Variants in ZBBX observed in about 807,000 individuals in gnomAD.
ZBBX encodes zinc finger B-box domain-containing protein 1.
A neutral mutation model predicts 108.5 loss-of-function variants in ZBBX; 101 were observed. The observed-to-expected ratio is 0.93, with a 90% confidence interval of 0.79 to 1.10. ZBBX has a LOEUF of 1.10. Ranked by LOEUF, ZBBX falls within the 50% of genes least tolerant of loss-of-function variation. The pLI is 0.00. For missense variants in ZBBX, 1,009 were observed against 941.4 expected (o/e 1.07, Z -0.94); for synonymous variants, 356 against 323.4 (o/e 1.10, Z -1.08).
At chr3:167,244,500 A>C (rs976950396) in intron 20 of ZBBX, among the ~76,000 whole-genome samples, 23 of 152,226 alleles carry the variant, frequency 1.5e-4, no homozygotes, top group Admixed American at 1.4e-3. Flanking sequence ...AAATAGAATG[A>C]GTCTATTTTT....
At chr3:167,391,091 T>G (rs1266072116) in intron 1 of ZBBX, among the ~76,000 whole-genome samples, 2 of 152,190 alleles carry the variant, frequency 1.3e-5, no homozygotes, top group Admixed American at 1.3e-4. Context: ...TTCCAGCTTG[T>G]GCCCATTCAG....
At chr3:167,397,404 C>T (rs756106049) in intron 1 of ZBBX, among the ~76,000 whole-genome samples, 1 of 151,802 alleles carries the variant, frequency 6.6e-6, no homozygotes, top group Non-Finnish European at 1.5e-5. Context: ...CCCATTCCAA[C>T]ATATGCACAT....
At chr3:167,404,453 A>G (rs1244262752) in intron 1 of ZBBX, among the ~76,000 whole-genome samples, 2 of 152,134 alleles carry the variant, frequency 1.3e-5, no homozygotes, top group Non-Finnish European at 2.9e-5. Context: ...TGAGACAATG[A>G]GTATTGTCAG....
intron 10 of ZBBX, chr3:167,331,764 G>C (rs1738674887): frequency 3.8e-6 from 1 of 266,632 alleles, no homozygotes. Flanking sequence ...TGATATCCCT[G>C]TAAGATGATG....
intron 18 of ZBBX, among the ~76,000 whole-genome samples, chr3:167,290,070 CCA>C (rs773812081): frequency 6.6e-6 from 1 of 152,204 alleles, no homozygotes; most frequent in African/African-American, 2.4e-5. Context: ...GAAGCCCCAG[CCA>C]CAGACTTATA....
chr3:167,315,691 T>G lies in ZBBX; in HGVS notation c.1274+59A>C, dbSNP rs1264345573. ...TTCACATTTAAAAAGACAGATGATT[T>G]TGTGTGTGTGTCAGGAGGGGGCTCA... On this transcript the variant is annotated intron_variant, in intron 15 of 21. Coordinates refer to ENST00000675490, the MANE Select transcript of ZBBX (RefSeq NM_001199201.2). 3.4e-6 allele frequency: 4 copies of G among 1,175,164 alleles called. No individual in the cohort carries two copies. The African/African-American group carries it at 4.6e-5, about 13-fold the overall frequency. 72.8% of individuals were successfully genotyped at this position (1,175,164 alleles called of 1,614,324 possible).
the ZBBX span, among the ~76,000 whole-genome samples, chr3:167,231,008 GAA>G: frequency 6.6e-6 from 1 of 151,714 alleles, no homozygotes; most frequent in Non-Finnish European, 1.5e-5. Flanking sequence ...GGCCTGTGAA[GAA>G]AAAGAGGATT....
intron 1 of ZBBX, among the ~76,000 whole-genome samples, chr3:167,394,228 G>A (rs1252539905): frequency 3.3e-5 from 5 of 151,816 alleles, no homozygotes; most frequent in Admixed American, 1.3e-4. Flanking sequence ...ATAACTGAAC[G>A]TTTCAAAGGG....
chr3:167,230,994 T>C, the ZBBX span, among the ~76,000 whole-genome samples: 2 of 151,740 alleles, frequency 1.3e-5, no homozygotes, highest in African/African-American at 4.8e-5. Context: ...GCAAAATGTA[T>C]ATGGGCCTGT....
chr3:167,337,387 T>C (rs907041254), intron 9 of ZBBX, among the ~76,000 whole-genome samples: 2 of 151,992 alleles, frequency 1.3e-5, no homozygotes, highest in Non-Finnish European at 2.9e-5. Flanking sequence ...AACCTGGTGT[T>C]GCATGCCTGT....
chr3:167,313,859 A>C, intron 16 of ZBBX, 115 bp downstream of exon 16: 1 of 906,116 alleles, frequency 1.1e-6, no homozygotes, highest in South Asian at 3.1e-5. Context: ...TTTTCATTTT[A>C]GTACTGAGGT....
At chr3:167,298,532 C>T (rs1732063956) in intron 17 of ZBBX, 74 bp from the exon 18 acceptor site, 1 of 1,167,396 alleles carries the variant, frequency 8.6e-7, no homozygotes, top group Non-Finnish European at 1.1e-6. Context: ...TTATCAGATA[C>T]CTACTTGGTA....
intron 1 of ZBBX, among the ~76,000 whole-genome samples, chr3:167,403,367 G>A (rs1748485038): frequency 6.6e-6 from 1 of 151,970 alleles, no homozygotes; most frequent in Non-Finnish European, 1.5e-5. Context: ...TCAGATAAAT[G>A]AATAAATAAT....
rs945407217 is a variant in ZBBX at position 167,359,987 on chromosome 3, A to G, written c.323-8T>C. ...CTGTTGGTTTCACTGGCTCTGCAAG[A>G]TAAAAAATAATATTACTCCAATCAT... On this transcript the variant is annotated splice_region_variant and splice_polypyrimidine_tract_variant and intron_variant, in intron 7 of 21. Transcript: ENST00000675490. The G allele has an allele frequency of 2.1e-6, 3 of 1,452,518 alleles. No homozygotes were observed. In the African/African-American group the frequency reaches 4.3e-5, roughly 21 times the overall value. The allele number at this position is 1,452,518 out of a possible 1,614,324, so 90.0% of individuals were successfully genotyped here.
At chr3:167,385,147 T>C (rs1006419998), upstream of ZBBX, among the ~76,000 whole-genome samples, 1 of 152,076 alleles carries the variant, frequency 6.6e-6, no homozygotes, top group Admixed American at 6.6e-5. Flanking sequence ...TATTTTGTCA[T>C]TGTACAAACA....
chr3:167,327,913 C>T, intron 11 of ZBBX, 29 bp downstream of exon 11: 1 of 1,155,944 alleles, frequency 8.7e-7, no homozygotes, highest in Non-Finnish European at 1.1e-6. Context: ...GACTCTGTCT[C>T]AAAAAAAAAA....
At chr3:167,246,395 A>G (rs964138355) in intron 20 of ZBBX, among the ~76,000 whole-genome samples, 1 of 152,200 alleles carries the variant, frequency 6.6e-6, no homozygotes. Context: ...ACATTACTTA[A>G]TGGTCAACCT....
At chr3:167,232,298 T>A in the ZBBX span, among the ~76,000 whole-genome samples, 1 of 151,822 alleles carries the variant, frequency 6.6e-6, no homozygotes, top group East Asian at 1.9e-4. Context: ...TGTCAAAGAA[T>A]AATTGTTTCC....
At chr3:167,320,752 T>C (rs373790225) in intron 12 of ZBBX, among the ~76,000 whole-genome samples, 1 of 152,132 alleles carries the variant, frequency 6.6e-6, no homozygotes, top group East Asian at 1.9e-4. Flanking sequence ...TGTCACGCAC[T>C]GAGAAAGACA....
Sources: allele counts gnomAD v4.1 joint callset (sites outside exome capture counted in the v4.1 genomes callset), GRCh38; gene constraint gnomAD v4.1.1; transcripts MANE v1.5; gene names NCBI Gene and HGNC (gene_info 2026-07-23, HGNC 2026-07-21).